The following OTUB2 variants were observed in gnomAD, a reference collection of about 807,000 sequenced individuals.
OTUB2 encodes OTU deubiquitinase, ubiquitin aldehyde binding 2, also known as ubiquitin thioesterase OTUB2.
OTUB2 carries 21 observed loss-of-function variants against 25.1 expected under a neutral mutation model. That is an observed-to-expected ratio of 0.84 (90% confidence interval 0.59 to 1.21). OTUB2 has a LOEUF of 1.21. Among genes scored for constraint, OTUB2 ranks in the 50% most tolerant of loss-of-function variants. The probability of loss-of-function intolerance (pLI) is 0.00; values close to 1 mark genes in which losing one functional copy is unlikely to be tolerated. For synonymous variants in OTUB2, 122 were observed against 122.8 expected, an observed-to-expected ratio of 0.99 and a Z score of 0.04; for missense variants, 283 against 298.0, an observed-to-expected ratio of 0.95 and a Z score of 0.37.
At chr14:94,043,018 C>T (rs563499753) in intron 3 of OTUB2, among the ~76,000 whole-genome samples, 1 of 152,294 alleles carries the variant, frequency 6.6e-6, no homozygotes, top group East Asian at 1.9e-4. Flanking sequence ...GTTAGATATG[C>T]CAGGACCAGG....
chr14:94,038,429 A>T (rs939860859), intron 2 of OTUB2, among the ~76,000 whole-genome samples: 54 of 152,082 alleles, frequency 3.6e-4, no homozygotes, highest in African/African-American at 7.2e-4. Context: ...GAACTCCAAG[A>T]CCCCTTGAAA....
rs140439862 is a variant in OTUB2 at position 94,048,012 on chromosome 14, T to C, written c.*2090T>C. 2 of 152,312 alleles carry C rather than the reference T, an allele frequency of 1.3e-5. No individual in the cohort carries two copies. Among genetic ancestry groups the C allele is most frequent in the African/African-American group, 4.8e-5 (2 of 41,562 alleles). The allele number at this position is 152,312 out of a possible 1,614,324, so 9.4% of individuals were successfully genotyped here. ...GGTCTTACCCTCTGCTTTTCCCCTT[T>C]TTGCAAAAAACCACTGGCCAAATCC... On this transcript the variant is annotated 3_prime_UTR_variant, in exon 6 of 6. Transcript: ENST00000203664.
intron 2 of OTUB2, among the ~76,000 whole-genome samples, chr14:94,037,995 G>T (rs1458065779): frequency 6.6e-6 from 1 of 152,270 alleles, no homozygotes; most frequent in African/African-American, 2.4e-5. Context: ...GGAGCTGGGT[G>T]CCCACTCTGT....
At chr14:94,044,487 C>T in intron 4 of OTUB2, 99 bp from the exon 5 acceptor site, 1 of 1,209,068 alleles carries the variant, frequency 8.3e-7, no homozygotes, top group Non-Finnish European at 1.1e-6. Context: ...AATGAAAATG[C>T]ACGTGAGGGC....
chr14:94,043,901 G>A (rs1885209466), intron 3 of OTUB2, 70 bp from the exon 4 acceptor site: 1 of 1,411,014 alleles, frequency 7.1e-7, no homozygotes, highest in African/African-American at 1.4e-5. Context: ...TTGAGAGGGG[G>A]ACGCACAGTT....
At chr14:94,037,971 C>G (rs1195745570) in intron 2 of OTUB2, among the ~76,000 whole-genome samples, 1 of 152,244 alleles carries the variant, frequency 6.6e-6, no homozygotes, top group Non-Finnish European at 1.5e-5. Flanking sequence ...AGCACTCACC[C>G]GTGGATGGCA....
intron 3 of OTUB2, among the ~76,000 whole-genome samples, chr14:94,041,697 T>C (rs1002826971): frequency 6.6e-6 from 1 of 152,126 alleles, no homozygotes; most frequent in African/African-American, 2.4e-5. Flanking sequence ...CTACCCACCC[T>C]GAGTTCTAGG....
rs1885321676 is a variant in OTUB2, at chr14:94,048,414, A to G, written c.*2492A>G. 1 of 152,196 alleles carries G rather than the reference A, an allele frequency of 6.6e-6. No individual in the cohort carries two copies. The highest frequency in any genetic ancestry group is 2.4e-5 in the African/African-American group (1 of 41,444). The allele number at this position is 152,196 out of a possible 1,614,324, so 9.4% of individuals were successfully genotyped here. ...GACTGGGTTCCTATTTTAAGCACAA[A>G]TGAGAGCTCTGGAGCCAGAATGCCA... On this transcript the variant is annotated 3_prime_UTR_variant, in exon 6 of 6. Transcript: ENST00000203664.
rs1014346365 is a variant in OTUB2, at chr14:94,035,287, T to C, written c.4-2093T>C. On this transcript the variant is annotated intron_variant, in intron 1 of 5. Transcript: ENST00000203664. The stretch of plus-strand genomic sequence containing the variant: ...ATCCAGTTCTTTTTTTTTTCTTTTC[T>C]TTTTTTTTTTTTTTTTTTTTGAGAC... 7.7e-5 allele frequency among the ~76,000 whole-genome samples: 3 copies of C among 38,756 alleles called. No homozygotes were observed. The Admixed American group carries it at 7.9e-4, about 10-fold the overall frequency. 25.4% of individuals were successfully genotyped at this position (38,756 alleles called of 152,430 possible).
intron 1 of OTUB2, among the ~76,000 whole-genome samples, chr14:94,036,496 C>A (rs1885056477): frequency 6.6e-6 from 1 of 152,062 alleles, no homozygotes; most frequent in African/African-American, 2.4e-5. Flanking sequence ...GCTAGAGTTG[C>A]ATCTCCTGCT....
chr14:94,032,928 T>C (rs974340480), intron 1 of OTUB2, among the ~76,000 whole-genome samples: 6 of 152,336 alleles, frequency 3.9e-5, no homozygotes, highest in South Asian at 4.1e-4. Flanking sequence ...AGTATTTTCT[T>C]CTTTTTGGAA....
intron 4 of OTUB2, among the ~76,000 whole-genome samples, chr14:94,044,357 A>G (rs761615580): frequency 6.6e-6 from 1 of 152,186 alleles, no homozygotes; most frequent in Non-Finnish European, 1.5e-5. Context: ...GGGAGACCCA[A>G]CTGCCGCTCC....
intron 3 of OTUB2, among the ~76,000 whole-genome samples, chr14:94,042,020 C>A (rs576322434): frequency 6.6e-5 from 10 of 152,260 alleles, no homozygotes; most frequent in Non-Finnish European, 1.5e-4. Flanking sequence ...CCCAGAGCCA[C>A]CCAGGCAGAC....
rs562903362 is a variant in OTUB2 at position 94,039,860 on chromosome 14, G to A, written c.218+779G>A. Among the ~76,000 whole-genome samples the A allele has an allele frequency of 3.9e-5, 6 of 152,232 alleles. No homozygotes were observed. In the East Asian group the frequency reaches 7.7e-4, roughly 20 times the overall value. On this transcript the variant is annotated intron_variant, in intron 3 of 5. Coordinates refer to ENST00000203664, the MANE Select transcript of OTUB2 (RefSeq NM_023112.4). ...CATGGGCCCTCCTCATCTGAGACCC[G>A]CACCGACATGCTCTCTGGAAACAGT...
chr14:94,039,473 G>C (rs1301964249), intron 3 of OTUB2: 1 of 200,080 alleles, frequency 5.0e-6, no homozygotes, highest in Non-Finnish European at 1.0e-5. Context: ...TGTGACCCAG[G>C]CATTCAGCTG....
At chr14:94,038,896 C>G in intron 2 of OTUB2, 67 bp from the exon 3 acceptor site, 1 of 1,418,940 alleles carries the variant, frequency 7.0e-7, no homozygotes. Flanking sequence ...CCTGGCCAGT[C>G]CCAGTGCCCA....
Position 94,046,095 on chromosome 14 carries a change from A to C in OTUB2, c.*173A>C. On this transcript the variant is annotated 3_prime_UTR_variant, in exon 6 of 6. Transcript: ENST00000203664. The stretch of plus-strand genomic sequence containing the variant: ...CCACTATGGACTATGGTAACTTGGT[A>C]GGATTTTTAGTATTTATTTTAATGG... The C allele has an allele frequency of 1.5e-6, 1 of 688,692 alleles. No individual in the cohort carries two copies. The highest frequency in any genetic ancestry group is 2.4e-6 in the Non-Finnish European group (1 of 415,104). The allele number at this position is 688,692 out of a possible 1,614,324, so 42.7% of individuals were successfully genotyped here.
At chr14:94,039,584 A>C (rs1326118432) in intron 3 of OTUB2, among the ~76,000 whole-genome samples, 7 of 150,820 alleles carry the variant, frequency 4.6e-5, no homozygotes, top group Non-Finnish European at 8.8e-5. Flanking sequence ...AAGTTTGTAC[A>C]AGGCGCCTGG....
rs1388347199 is a variant in OTUB2, at chr14:94,046,475, T to C, written c.*553T>C. On this transcript the variant is annotated 3_prime_UTR_variant, in exon 6 of 6. Transcript: ENST00000203664. The stretch of plus-strand genomic sequence containing the variant: ...TCAAACATTCATGATGGATGTATTT[T>C]CCTACCCCTAACTTAAGGAGAAAAA... 1 of 153,494 alleles carries C rather than the reference T, an allele frequency of 6.5e-6. No individual in the cohort carries two copies. The highest frequency in any genetic ancestry group is 2.4e-5 in the African/African-American group (1 of 41,422). The allele number at this position is 153,494 out of a possible 1,614,324, so 9.5% of individuals were successfully genotyped here.
Sources: allele counts gnomAD v4.1 joint callset (sites outside exome capture counted in the v4.1 genomes callset), GRCh38; gene constraint gnomAD v4.1.1; transcripts MANE v1.5; gene names NCBI Gene and HGNC (gene_info 2026-07-23, HGNC 2026-07-21).